RAP1A: variants seen among roughly 807,000 people sequenced by gnomAD.
RAP1A encodes RAP1A, member of RAS oncogene family, also known as ras-related protein Rap-1A.
Under a neutral mutation model 26.4 loss-of-function variants are expected in RAP1A, and 6 were observed. The ratio of observed to expected loss-of-function variants is 0.23; its 90% CI spans 0.12 to 0.45. The LOEUF (loss-of-function observed/expected upper bound fraction) is 0.45, where lower values mean the gene tolerates loss of function less well. RAP1A is among the 20% of genes least tolerant of loss of function. The pLI, the probability that RAP1A is intolerant of heterozygous loss-of-function variation, is 0.99. For synonymous variants in RAP1A, 73 were observed against 79.4 expected (o/e 0.92, Z 0.43); for missense variants, 121 against 217.2 (o/e 0.56, Z 2.78).
chr1:111,658,966 A>G (rs1407118386), intron 1 of RAP1A, among the ~76,000 whole-genome samples: 2 of 152,158 alleles, frequency 1.3e-5, no homozygotes, highest in East Asian at 3.8e-4. Flanking sequence ...TGGAGAATTG[A>G]TGCCTTTATC....
At position 111,712,675 on chromosome 1, in the gene RAP1A, A is replaced by G. The variant is rs1481670435; in HGVS notation, c.*274A>G. 6.6e-6 allele frequency: 1 copy of G among 152,528 alleles called. No individual in the cohort carries two copies. The highest frequency in any genetic ancestry group is 1.5e-5 in the Non-Finnish European group (1 of 67,938). 9.4% of individuals were successfully genotyped at this position (152,528 alleles called of 1,614,324 possible). The stretch of plus-strand genomic sequence containing the variant: ...ATGTGAAAATATACTTGACTCTAAT[A>G]TGATTATACAAAAGAGCATGGATGC... On this transcript the variant is annotated 3_prime_UTR_variant, in exon 8 of 8. Coordinates refer to ENST00000369709, the MANE Select transcript of RAP1A (RefSeq NM_002884.4).
intron 1 of RAP1A, chr1:111,680,902 C>T (rs1365113516): frequency 1.3e-5 from 2 of 152,258 alleles, no homozygotes; most frequent in African/African-American, 4.8e-5. Context: ...GTCCTCAGCA[C>T]AAAGACTAAA....
In RAP1A at chr1:111,648,412, G is replaced by T. The variant is rs1311312446; in HGVS notation, c.-28+28478G>T. The stretch of plus-strand genomic sequence containing the variant: ...TGTCCAGGGCATCACCAAGATTGAA[G>T]TCCTTGCCATCTTCCAGCAGGTGGT... On this transcript the variant is annotated intron_variant, in intron 1 of 7. Coordinates refer to ENST00000369709, the MANE Select transcript of RAP1A (RefSeq NM_002884.4). The T allele has an allele frequency of 8.3e-6, 5 of 604,512 alleles. No homozygotes were observed. In the East Asian group the frequency reaches 1.7e-4, roughly 21 times the overall value. 37.4% of individuals were successfully genotyped at this position (604,512 alleles called of 1,614,324 possible). A position where few individuals can be genotyped will look rare whatever the true frequency, so the allele number is the denominator to read the frequency against.
intron 1 of RAP1A, among the ~76,000 whole-genome samples, chr1:111,675,441 C>T (rs551320754): frequency 1.4e-4 from 22 of 152,156 alleles, no homozygotes; most frequent in African/African-American, 4.3e-4. Flanking sequence ...CACTGCACTC[C>T]AGCCTGGGCG....
chr1:111,596,917 T>G (rs1390045021), intron 1 of RAP1A, among the ~76,000 whole-genome samples: 1 of 152,170 alleles, frequency 6.6e-6, no homozygotes, highest in African/African-American at 2.4e-5. Context: ...GGTTAGGGGG[T>G]CATAAACATT....
At chr1:111,564,028 C>A in intron 1 of RAP1A, 1 of 1,065,992 alleles carries the variant, frequency 9.4e-7, no homozygotes, top group Non-Finnish European at 1.4e-6. Context: ...ACCCTTCTGC[C>A]ATTAGAGAAC....
chr1:111,649,144 C>A, intron 1 of RAP1A: 1 of 572,966 alleles, frequency 1.7e-6, no homozygotes, highest in Non-Finnish European at 3.4e-6. Flanking sequence ...TGGGCATTGT[C>A]CACAGTATTT....
intron 1 of RAP1A, among the ~76,000 whole-genome samples, chr1:111,629,146 T>C (rs959784686): frequency 4.3e-4 from 65 of 152,104 alleles, no homozygotes; most frequent in Admixed American, 3.7e-3. Flanking sequence ...TGATGAGAAG[T>C]GAAATACAGA....
chr1:111,648,153 C>G, intron 1 of RAP1A: 1 of 291,122 alleles, frequency 3.4e-6, no homozygotes, highest in Admixed American at 4.5e-5. Flanking sequence ...TCACTGGAGC[C>G]TCTGCCTCCC....
intron 1 of RAP1A, among the ~76,000 whole-genome samples, chr1:111,687,155 T>C (rs1346327650): frequency 6.6e-6 from 1 of 151,612 alleles, no homozygotes; most frequent in Non-Finnish European, 1.5e-5. Flanking sequence ...TTTTCTTTGC[T>C]TTTTTTTGCT....
At chr1:111,694,166 C>T (rs776708893) in intron 2 of RAP1A, among the ~76,000 whole-genome samples, 3 of 152,134 alleles carry the variant, frequency 2.0e-5, no homozygotes, top group Non-Finnish European at 4.4e-5. Flanking sequence ...AGGAGTACAG[C>T]ATGAGCCACT....
At chr1:111,599,468 G>A (rs1247897390) in intron 1 of RAP1A, among the ~76,000 whole-genome samples, 1 of 152,166 alleles carries the variant, frequency 6.6e-6, no homozygotes, top group Non-Finnish European at 1.5e-5. Flanking sequence ...GCCTCCCAAA[G>A]TGCTAGGATT....
Position 111,712,610 on chromosome 1 carries a change from A to C in RAP1A, c.*209A>C, listed in dbSNP as rs2101322147. On this transcript the variant is annotated 3_prime_UTR_variant, in exon 8 of 8. Transcript: ENST00000369709. ...CTCTGTGTATATCTCTTGGAAAATA[A>C]GACAATAGTATTTCTCCTTTGCAAT... is the stretch of plus-strand genomic sequence containing the variant. 1 of 152,668 alleles carries C rather than the reference A, an allele frequency of 6.6e-6. No homozygotes were observed. The highest frequency in any genetic ancestry group is 1.9e-4 in the East Asian group (1 of 5,194). The allele number at this position is 152,668 out of a possible 1,614,324, so 9.5% of individuals were successfully genotyped here. A position where few individuals can be genotyped will look rare whatever the true frequency, so the allele number is the denominator to read the frequency against.
chr1:111,593,843 C>T (rs957617997), intron 1 of RAP1A, among the ~76,000 whole-genome samples: 5 of 151,780 alleles, frequency 3.3e-5, no homozygotes, highest in Admixed American at 6.6e-5. Flanking sequence ...GCCTAAGATT[C>T]ATTCAGGACT....
intron 1 of RAP1A, among the ~76,000 whole-genome samples, chr1:111,655,698 C>T (rs549790318): frequency 4.1e-5 from 5 of 121,384 alleles, no homozygotes; most frequent in South Asian, 5.6e-4. Context: ...GACGGAATCT[C>T]GCTCTGTCGC....
At chr1:111,648,617 G>T in intron 1 of RAP1A, 1 of 524,216 alleles carries the variant, frequency 1.9e-6, no homozygotes, top group South Asian at 1.7e-5. Context: ...CCCTCAGTCT[G>T]TTCTACAAAC....
chr1:111,638,065 A>G (rs1339260825), intron 1 of RAP1A, among the ~76,000 whole-genome samples: 2 of 151,742 alleles, frequency 1.3e-5, no homozygotes, highest in Admixed American at 6.6e-5. Context: ...ATAACTATAT[A>G]TATTATTTAT....
intron 1 of RAP1A, among the ~76,000 whole-genome samples, chr1:111,565,839 T>C (rs1657906074): frequency 6.6e-6 from 1 of 152,086 alleles, no homozygotes; most frequent in Non-Finnish European, 1.5e-5. Flanking sequence ...GTGGCTCACA[T>C]TATATTTCTA....
At chr1:111,646,634 G>C (rs1349890584) in intron 1 of RAP1A, among the ~76,000 whole-genome samples, 1 of 151,740 alleles carries the variant, frequency 6.6e-6, no homozygotes, top group African/African-American at 2.4e-5. Flanking sequence ...TCCACCTCCC[G>C]GGTTCACGCC....
Sources: allele counts gnomAD v4.1 joint callset (sites outside exome capture counted in the v4.1 genomes callset), GRCh38; gene constraint gnomAD v4.1.1; transcripts MANE v1.5; gene names NCBI Gene and HGNC (gene_info 2026-07-23, HGNC 2026-07-21).